The following HS2ST1 variants were observed in gnomAD, a reference collection of about 807,000 sequenced individuals.
HS2ST1 encodes the protein heparan sulfate 2-O-sulfotransferase 1.
In HS2ST1, 18 loss-of-function variants were observed where a neutral mutation model predicts 42.9. The ratio of observed to expected loss-of-function variants is 0.42; its 90% CI spans 0.29 to 0.62. The LOEUF is 0.62. Among genes scored for constraint, HS2ST1 ranks in the 20% least tolerant of loss-of-function variants. The pLI is 0.21. For missense variants in HS2ST1, 334 were observed against 433.8 expected (o/e 0.77, Z 2.04); for synonymous variants, 146 against 152.9 (o/e 0.95, Z 0.33).
At chr1:86,933,371 A>G (rs1327560576) in intron 1 of HS2ST1, among the ~76,000 whole-genome samples, 3 of 152,094 alleles carry the variant, frequency 2.0e-5, no homozygotes, top group African/African-American at 7.2e-5. Flanking sequence ...TTTGCCTTTC[A>G]GTTTGGGAAG....
intron 1 of HS2ST1, among the ~76,000 whole-genome samples, chr1:87,006,991 AT>A (rs1301140102): frequency 1.3e-5 from 2 of 152,088 alleles, no homozygotes; most frequent in Non-Finnish European, 2.9e-5. Flanking sequence ...AAGAGAAGAT[AT>A]TTTAGACTAA....
intron 1 of HS2ST1, among the ~76,000 whole-genome samples, chr1:87,058,125 G>T (rs1009618995): frequency 6.6e-6 from 1 of 151,622 alleles, no homozygotes; most frequent in South Asian, 2.1e-4. Context: ...TTATCTCAGG[G>T]TTATGCAATC....
At chr1:86,991,652 A>C (rs576035561) in intron 1 of HS2ST1, among the ~76,000 whole-genome samples, 3 of 152,328 alleles carry the variant, frequency 2.0e-5, no homozygotes, top group African/African-American at 7.2e-5. Context: ...TAAACATACT[A>C]AGCTTATATC....
At chr1:86,996,955 C>G (rs139640641) in intron 1 of HS2ST1, among the ~76,000 whole-genome samples, 1 of 151,934 alleles carries the variant, frequency 6.6e-6, no homozygotes, top group African/African-American at 2.4e-5. Flanking sequence ...ACCTTATAAA[C>G]GTTAGGCCAT....
chr1:86,976,092 G>A (rs560972767), intron 1 of HS2ST1, among the ~76,000 whole-genome samples: 9 of 152,238 alleles, frequency 5.9e-5, no homozygotes, highest in South Asian at 4.1e-4. Flanking sequence ...TGCAATTTAC[G>A]TATCTATAGC....
rs918889454 is a variant in HS2ST1, at chr1:87,104,834, A to G, written c.*138A>G. ...GAGCCAAATTAGGAAACAGACAGTAACGTCAAGGAAGTAGATACTGGCTGG... is the reference window on the plus strand; with the variant it reads ...GAGCCAAATTAGGAAACAGACAGTAGCGTCAAGGAAGTAGATACTGGCTGG... On this transcript the variant is annotated 3_prime_UTR_variant, in exon 7 of 7. Transcript: ENST00000370550. 4 of 596,590 alleles carry G rather than the reference A, an allele frequency of 6.7e-6. No homozygotes were observed. In the Admixed American group the frequency reaches 8.9e-5, roughly 13 times the overall value. The allele number at this position is 596,590 out of a possible 1,614,324, so 37.0% of individuals were successfully genotyped here.
chr1:87,020,598 C>T (rs6697798), intron 1 of HS2ST1, among the ~76,000 whole-genome samples: 108,010 of 152,026 alleles, frequency 0.71, 40,128 homozygotes, highest in East Asian at 0.97. Flanking sequence ...GTATGACAGA[C>T]TGGATGGCTT....
At chr1:87,053,949 A>T (rs981478151) in intron 1 of HS2ST1, among the ~76,000 whole-genome samples, 9 of 152,006 alleles carry the variant, frequency 5.9e-5, no homozygotes, top group Admixed American at 3.3e-4. Flanking sequence ...TCATGATCTC[A>T]TTTACTCCTT....
rs111913232 is a variant in HS2ST1, at chr1:87,028,033, G to A, written c.125-44901G>A. On this transcript the variant is annotated intron_variant, in intron 1 of 6. Coordinates refer to ENST00000370550, the MANE Select transcript of HS2ST1 (RefSeq NM_012262.4). ...ATGTTAAGAAATGCTACCTTAGATT[G>A]TATCTGGATATCTTCTGGTATTAAT... is the stretch of plus-strand genomic sequence containing the variant. Among the ~76,000 whole-genome samples the A allele has an allele frequency of 3.2e-3, 484 of 152,290 alleles. 2 individuals are homozygous for A. Among genetic ancestry groups the A allele is most frequent in the African/African-American group, 0.011 (460 of 41,570 alleles).
At chr1:87,026,861 G>T (rs1196784395) in intron 1 of HS2ST1, among the ~76,000 whole-genome samples, 1 of 151,956 alleles carries the variant, frequency 6.6e-6, no homozygotes, top group Non-Finnish European at 1.5e-5. Context: ...AAAAAAACTT[G>T]ATTAAAATAT....
At chr1:87,095,560 GTTTTA>G (rs1161284194) in intron 4 of HS2ST1, among the ~76,000 whole-genome samples, 1 of 152,116 alleles carries the variant, frequency 6.6e-6, no homozygotes, top group Non-Finnish European at 1.5e-5. Flanking sequence ...TAGAACTAGA[GTTTTA>G]TTTAATTTAA....
rs1652340326 is a variant in HS2ST1 at position 87,107,019 on chromosome 1, G to A, written c.*2323G>A. The A allele has an allele frequency of 6.6e-6, 1 of 152,064 alleles. No individual in the cohort carries two copies. Among genetic ancestry groups the A allele is most frequent in the Non-Finnish European group, 1.5e-5 (1 of 67,926 alleles). The allele number at this position is 152,064 out of a possible 1,614,324, so 9.4% of individuals were successfully genotyped here. Reference sequence around the variant, plus strand: ...TCAACCCTGCCATTTTACCACAAAAGCAGCAATAGACATTATGTAAACAAA... The same window carrying A: ...TCAACCCTGCCATTTTACCACAAAAACAGCAATAGACATTATGTAAACAAA... On this transcript the variant is annotated 3_prime_UTR_variant, in exon 7 of 7. Transcript: ENST00000370550.
At chr1:86,982,639 C>T (rs1040426750) in intron 1 of HS2ST1, among the ~76,000 whole-genome samples, 5 of 152,042 alleles carry the variant, frequency 3.3e-5, no homozygotes, top group Admixed American at 6.6e-5. Context: ...CTCAGCCTCC[C>T]GAGTAGCTGG....
At chr1:87,018,088 T>C (rs1437480793) in intron 1 of HS2ST1, among the ~76,000 whole-genome samples, 1 of 151,640 alleles carries the variant, frequency 6.6e-6, no homozygotes, top group Non-Finnish European at 1.5e-5. Flanking sequence ...TACTCATCAA[T>C]GTAACTCTCA....
At chr1:87,033,967 A>G (rs989518916) in intron 1 of HS2ST1, among the ~76,000 whole-genome samples, 12 of 152,238 alleles carry the variant, frequency 7.9e-5, no homozygotes, top group Admixed American at 2.0e-4. Flanking sequence ...ACAGGAATGG[A>G]AAAATTACAG....
intron 1 of HS2ST1, among the ~76,000 whole-genome samples, chr1:87,001,675 A>G (rs1649286508): frequency 6.6e-6 from 1 of 152,196 alleles, no homozygotes; most frequent in African/African-American, 2.4e-5. Flanking sequence ...GTGCAATGGC[A>G]CGATCTTGGC....
chr1:86,915,267 G>A, intron 1 of HS2ST1, 107 bp downstream of exon 1: 1 of 1,317,478 alleles, frequency 7.6e-7, no homozygotes, highest in Non-Finnish European at 1.0e-6. Flanking sequence ...CTCGGGGGCT[G>A]AAAGCGGTTT....
rs182401449 is a variant in HS2ST1, at chr1:87,085,112, T to C, written c.449+833T>C. Among the ~76,000 whole-genome samples the C allele has an allele frequency of 5.5e-3, 836 of 152,314 alleles. 21 individuals are homozygous for C. The highest frequency in any genetic ancestry group is 2.4e-3 in the Non-Finnish European group (161 of 68,032). ...CAGTCTTATGGATACATTTGAACTT[T>C]TTTGGTAGTACACATAGTACCATTG... On this transcript the variant is annotated intron_variant, in intron 3 of 6. Coordinates refer to ENST00000370550, the MANE Select transcript of HS2ST1 (RefSeq NM_012262.4).
chr1:86,916,008 A>C (rs951616919), intron 1 of HS2ST1, among the ~76,000 whole-genome samples: 1 of 152,176 alleles, frequency 6.6e-6, no homozygotes, highest in Non-Finnish European at 1.5e-5. Flanking sequence ...AAATACCTTA[A>C]AGGGTTAACA....
Sources: allele counts gnomAD v4.1 joint callset (sites outside exome capture counted in the v4.1 genomes callset), GRCh38; gene constraint gnomAD v4.1.1; transcripts MANE v1.5; gene names NCBI Gene and HGNC (gene_info 2026-07-23, HGNC 2026-07-21).